Variants in RPAIN observed in about 807,000 individuals in gnomAD.
RPAIN encodes RPA-interacting protein.
Under a neutral mutation model 30.5 loss-of-function variants are expected in RPAIN, and 29 were observed. The observed-to-expected ratio is 0.95, with a 90% CI of 0.71 to 1.30. The LOEUF (loss-of-function observed/expected upper bound fraction) is 1.30. Ranked by LOEUF, RPAIN falls within the 50% of genes most tolerant of loss-of-function variation. The pLI is 0.00. For synonymous variants in RPAIN, 101 were observed against 93.5 expected, an observed-to-expected ratio of 1.08 and a Z score of -0.46; for missense variants, 247 against 264.7, an observed-to-expected ratio of 0.93 and a Z score of 0.46.
In RPAIN at chr17:5,421,484, G is replaced by A. The variant is rs755417344; in HGVS notation, c.252+18G>A. 3 of 1,611,034 alleles carry A rather than the reference G, an allele frequency of 1.9e-6. No homozygotes were observed. The highest frequency in any genetic ancestry group is 2.7e-5 in the African/African-American group (2 of 74,814). On this transcript the variant is annotated intron_variant, in intron 2 of 6. Coordinates refer to ENST00000381209, the MANE Select transcript of RPAIN (RefSeq NM_001033002.4). ...TGGCTCAGGTCAGGCTGGGCTATGT[G>A]TTTTCAGGGAGGGGGACTGCACCAC...
intron 6 of RPAIN, chr17:5,431,105 C>T: frequency 3.3e-6 from 1 of 303,642 alleles, no homozygotes; most frequent in Non-Finnish European, 6.3e-6. Context: ...GTGCAGCAGT[C>T]TTGGAGATCA....
At chr17:5,431,582 C>G (rs1253150666) in intron 6 of RPAIN, 2 of 441,320 alleles carry the variant, frequency 4.5e-6, no homozygotes, top group Non-Finnish European at 9.0e-6. Context: ...TGCTCTAGTT[C>G]CACTAGACCT....
chr17:5,431,550 T>C (rs1423075915), intron 6 of RPAIN: 1 of 442,852 alleles, frequency 2.3e-6, no homozygotes, highest in African/African-American at 2.0e-5. Flanking sequence ...AGTTCAACAT[T>C]TGGAAAGGTA....
chr17:5,420,234 G>C lies in RPAIN; in HGVS notation c.24G>C (p.Pro8=). The change falls in exon 1 of 7, where the codon CCG becomes CCC. Residue 8 remains proline (P), a synonymous_variant. Transcript: ENST00000381209. MAESLRS[P]RRSLYKLVGS... Reference sequence around the variant, plus strand: ...AGATGGCGGAGTCGTTGAGGTCTCCGCGCCGCTCCCTGTACAAACTGGTGG... The same window carrying C: ...AGATGGCGGAGTCGTTGAGGTCTCCCCGCCGCTCCCTGTACAAACTGGTGG... The C allele has an allele frequency of 6.2e-7, 1 of 1,613,712 alleles. No homozygotes were observed. The highest frequency in any genetic ancestry group is 1.3e-5 in the African/African-American group (1 of 75,034).
At position 5,426,020 on chromosome 17, in the gene RPAIN, G is replaced by A; in HGVS notation, c.363G>A (p.Lys121=). 6 of 1,614,030 alleles carry A rather than the reference G, an allele frequency of 3.7e-6. No individual in the cohort carries two copies. Among genetic ancestry groups the A allele is most frequent in the East Asian group, 2.2e-5 (1 of 44,884 alleles). Residue 121 remains lysine, a synonymous_variant, in exon 4 of 7, where the codon AAG becomes AAA. Coordinates refer to ENST00000381209, the MANE Select transcript of RPAIN (RefSeq NM_001033002.4). ...AGAAGAGCTTGCAGTTTGATGAAAA[G>A]TGTCTCAGCATCATGCTGGCTGAGT... ...EYEKSLQFDE[K]CLSIMLAEWE...
At chr17:5,422,962 GTACTCT>G in intron 3 of RPAIN, 133 bp downstream of exon 3, 1 of 671,408 alleles carries the variant, frequency 1.5e-6, no homozygotes, top group Non-Finnish European at 2.6e-6. Flanking sequence ...GACTCCTTTT[GTACTCT>G]GACATCTTGG....
At chr17:5,420,506 T>C (rs1914654342) in intron 1 of RPAIN, among the ~76,000 whole-genome samples, 1 of 152,048 alleles carries the variant, frequency 6.6e-6, no homozygotes. Context: ...TGAATTTAAA[T>C]TGTGGTCAGG....
chr17:5,421,416 G>A lies in RPAIN; in HGVS notation c.202G>A (p.Glu68Lys), dbSNP rs774430216. The A allele has an allele frequency of 7.6e-5, 122 of 1,614,166 alleles. 1 individual carries two copies. Among genetic ancestry groups the A allele is most frequent in the Non-Finnish European group, 1.0e-4 (122 of 1,180,020 alleles). Residue 68 changes from glutamate (E) to lysine (K), a missense_variant, in exon 2 of 7, where the codon GAG becomes AAG. Physicochemically the swap from Glu to Lys is moderately conservative, Grantham distance 56 (BLOSUM62 1). Coordinates refer to ENST00000381209, the MANE Select transcript of RPAIN (RefSeq NM_001033002.4). ...TCTAGTTCAAGAGGTGATGGAAGAAGAGTGGAATGCTTTGCAGTCAGTGGA... is the reference window on the plus strand; with the variant it reads ...TCTAGTTCAAGAGGTGATGGAAGAAAAGTGGAATGCTTTGCAGTCAGTGGA... The part of the protein sequence containing the change: ...SFLVQEVMEE[E>K]WNALQSVENC...
At chr17:5,431,043 C>T (rs1159182260) in intron 6 of RPAIN, 2 of 208,874 alleles carry the variant, frequency 9.6e-6, no homozygotes, top group East Asian at 1.6e-4. Context: ...TGCCCTGTGG[C>T]TCAGAGCAGC....
intron 1 of RPAIN, 145 bp from the exon 2 acceptor site, chr17:5,421,151 A>G: frequency 1.4e-6 from 1 of 713,880 alleles, no homozygotes; most frequent in Admixed American, 3.0e-5. Context: ...CTACAGAGGA[A>G]TATGCAAAAG....
In RPAIN at chr17:5,421,561, ACCATT is replaced by A. The variant is rs1161752031; in HGVS notation, c.252+98_252+102del. The A allele has an allele frequency of 9.0e-6, 10 of 1,108,544 alleles. No individual in the cohort carries two copies. The Admixed American group carries it at 2.3e-4, about 25-fold the overall frequency. 68.7% of individuals were successfully genotyped at this position (1,108,544 alleles called of 1,614,324 possible). A position where few individuals can be genotyped will look rare whatever the true frequency, so the allele number is the denominator to read the frequency against. On this transcript the variant is annotated intron_variant, in intron 2 of 6. Coordinates refer to ENST00000381209, the MANE Select transcript of RPAIN (RefSeq NM_001033002.4). Reference sequence around the variant, plus strand: ...TTGTTTACTTGAGTCCTCTAAACCCACCATTCCCCTAACCCCATTTAGAATTCAAC... The same window carrying A: ...TTGTTTACTTGAGTCCTCTAAACCCACCCCTAACCCCATTTAGAATTCAAC...
intron 6 of RPAIN, chr17:5,429,772 G>T (rs751541010): frequency 9.1e-6 from 9 of 985,178 alleles, no homozygotes; most frequent in African/African-American, 1.7e-5. Context: ...CTGTCTGAAT[G>T]ACTTTGACTC....
intron 5 of RPAIN, chr17:5,426,501 T>G (rs77921709): frequency 0.099 from 56,782 of 571,568 alleles, 3,431 homozygotes; most frequent in South Asian, 0.19. Context: ...CATCAGAGCC[T>G]TTAGGGCCCT....
intron 6 of RPAIN, chr17:5,429,731 TTC>T: frequency 1.0e-6 from 1 of 985,494 alleles, no homozygotes; most frequent in Non-Finnish European, 1.2e-6. Context: ...ATGCAGTGCT[TTC>T]AGGCCTCTGT....
chr17:5,428,935 G>A (rs908569688), intron 6 of RPAIN: 1 of 973,528 alleles, frequency 1.0e-6, no homozygotes, highest in Non-Finnish European at 1.2e-6. Flanking sequence ...ATTCCTTCAT[G>A]GCCCTGTCAT....
intron 3 of RPAIN, among the ~76,000 whole-genome samples, chr17:5,424,234 C>T (rs1488358748): frequency 6.6e-6 from 1 of 151,992 alleles, no homozygotes; most frequent in Non-Finnish European, 1.5e-5. Context: ...CTCAAGTGAT[C>T]CCCCCACCTC....
intron 6 of RPAIN, chr17:5,430,610 C>T (rs1045941707): frequency 6.6e-6 from 1 of 152,326 alleles, no homozygotes; most frequent in Non-Finnish European, 1.5e-5. Flanking sequence ...CACCGTACCT[C>T]ATGCCATGTC....
chr17:5,422,707 A>T, intron 2 of RPAIN, 62 bp from the exon 3 acceptor site: 1 of 1,487,340 alleles, frequency 6.7e-7, no homozygotes, highest in Middle Eastern at 1.8e-4. Flanking sequence ...AGTATGAATC[A>T]CTGTGGGGCT....
rs199795908 is a variant in RPAIN at position 5,427,575 on chromosome 17, TTTTC to T, written c.490-484_490-481del. 2.1e-3 allele frequency: 319 copies of T among 155,000 alleles called. 9 individuals are homozygous for T. The East Asian group carries it at 0.047, about 23-fold the overall frequency. The allele number at this position is 155,000 out of a possible 1,614,324, so 9.6% of individuals were successfully genotyped here. Reference sequence around the variant, plus strand: ...ATCTTTTACCTAATTCTATAGCTCTTTTTCTTTCTTTCTTTTTTTTTTAAGCAGC... The same window carrying T: ...ATCTTTTACCTAATTCTATAGCTCTTTTTCTTTCTTTTTTTTTTAAGCAGC... On this transcript the variant is annotated intron_variant, in intron 5 of 6. Coordinates refer to ENST00000381209, the MANE Select transcript of RPAIN (RefSeq NM_001033002.4).
Sources: allele counts gnomAD v4.1 joint callset (sites outside exome capture counted in the v4.1 genomes callset), GRCh38; gene constraint gnomAD v4.1.1; transcripts MANE v1.5; gene names NCBI Gene and HGNC (gene_info 2026-07-23, HGNC 2026-07-21).